SYT1: variants seen among roughly 807,000 people sequenced by gnomAD.
The protein encoded by SYT1 is synaptotagmin 1, also known as synaptotagmin-1.
A neutral mutation model predicts 44.8 loss-of-function variants in SYT1; 8 were observed. The observed-to-expected ratio is 0.18, with a 90% CI of 0.10 to 0.32. The LOEUF is 0.32. SYT1 is among the 10% of genes least tolerant of loss of function. The pLI is 1.00. For missense variants in SYT1, 286 were observed against 509.3 expected, an observed-to-expected ratio of 0.56 and a Z score of 4.22; for synonymous variants, 154 against 188.8, an observed-to-expected ratio of 0.82 and a Z score of 1.51.
intron 9 of SYT1, among the ~76,000 whole-genome samples, chr12:79,421,728 T>TTGG (rs1869134177): frequency 6.6e-6 from 1 of 151,702 alleles, no homozygotes; most frequent in East Asian, 1.9e-4. Context: ...TTTTTTATTG[T>TTGG]TGGTGGTGGT....
intron 2 of SYT1, among the ~76,000 whole-genome samples, chr12:79,031,549 A>G (rs1244489763): frequency 6.6e-6 from 1 of 151,096 alleles, no homozygotes; most frequent in Non-Finnish European, 1.5e-5. Flanking sequence ...TAAATCACCA[A>G]ATCCATCCGC....
chr12:79,204,419 T>C (rs751002745), intron 3 of SYT1, among the ~76,000 whole-genome samples: 1 of 152,218 alleles, frequency 6.6e-6, no homozygotes, highest in South Asian at 2.1e-4. Context: ...TCAGATTTTC[T>C]GTCAAGTGCC....
intron 9 of SYT1, among the ~76,000 whole-genome samples, chr12:79,416,967 G>C (rs11612280): frequency 6.6e-6 from 1 of 151,842 alleles, no homozygotes; most frequent in East Asian, 1.9e-4. Context: ...ATCCTAATAT[G>C]TGTGTGTGTG....
intron 3 of SYT1, among the ~76,000 whole-genome samples, chr12:79,206,673 G>C (rs975820628): frequency 1.3e-5 from 2 of 152,230 alleles, no homozygotes; most frequent in African/African-American, 4.8e-5. Context: ...TCCATGTGCA[G>C]TTAGGAATGC....
At chr12:79,421,256 TATTAA>T (rs1329543583) in intron 9 of SYT1, among the ~76,000 whole-genome samples, 1 of 152,166 alleles carries the variant, frequency 6.6e-6, no homozygotes, top group Non-Finnish European at 1.5e-5. Flanking sequence ...TATTTTGAGT[TATTAA>T]ATTGTTTTCC....
intron 3 of SYT1, among the ~76,000 whole-genome samples, chr12:79,055,003 CTTA>C (rs1874825964): frequency 6.6e-6 from 1 of 151,994 alleles, no homozygotes; most frequent in African/African-American, 2.4e-5. Context: ...CTTTTATAAT[CTTA>C]TTATAGCATA....
chr12:79,206,504 C>G (rs1352614627), intron 3 of SYT1, among the ~76,000 whole-genome samples: 1 of 151,750 alleles, frequency 6.6e-6, no homozygotes, highest in Non-Finnish European at 1.5e-5. Context: ...TAAGAAAAAT[C>G]CCCATTTCAA....
intron 3 of SYT1, among the ~76,000 whole-genome samples, chr12:79,118,773 T>G (rs996190650): frequency 1.3e-5 from 2 of 152,186 alleles, no homozygotes; most frequent in African/African-American, 4.8e-5. Context: ...ACAGGCTCCC[T>G]ATCCTGAGCA....
intron 3 of SYT1, among the ~76,000 whole-genome samples, chr12:79,110,272 G>A (rs1056848874): frequency 2.0e-5 from 3 of 152,002 alleles, no homozygotes; most frequent in African/African-American, 7.2e-5. Flanking sequence ...AAAGTGAGCT[G>A]ACCTCCAATA....
At chr12:79,430,604 A>G (rs1272747697) in intron 9 of SYT1, among the ~76,000 whole-genome samples, 2 of 152,096 alleles carry the variant, frequency 1.3e-5, no homozygotes, top group Non-Finnish European at 2.9e-5. Flanking sequence ...TAGGCAACAT[A>G]GCAAGATCTC....
chr12:79,181,576 T>A (rs1020300820), intron 3 of SYT1, among the ~76,000 whole-genome samples: 1 of 152,040 alleles, frequency 6.6e-6, no homozygotes, highest in Non-Finnish European at 1.5e-5. Flanking sequence ...GTCTAATATA[T>A]TTAAATAGTT....
chr12:78,930,358 A>G (rs1458325571), intron 1 of SYT1, among the ~76,000 whole-genome samples: 1 of 152,132 alleles, frequency 6.6e-6, no homozygotes, highest in African/African-American at 2.4e-5. Flanking sequence ...CAGAAAGGGA[A>G]GGAAAATACA....
At chr12:78,864,521 C>T (rs1215808275), upstream of SYT1, 1 of 152,314 alleles carries the variant, frequency 6.6e-6, no homozygotes, top group Non-Finnish European at 1.5e-5. Flanking sequence ...CTCCCCCAAC[C>T]CGCCTCCACC....
chr12:78,919,614 C>T (rs926375366), intron 1 of SYT1, among the ~76,000 whole-genome samples: 3 of 152,062 alleles, frequency 2.0e-5, no homozygotes, highest in African/African-American at 7.2e-5. Flanking sequence ...GATGTCTGAG[C>T]TTCCAGGGAC....
intron 3 of SYT1, among the ~76,000 whole-genome samples, chr12:79,186,636 A>G (rs578113508): frequency 1.3e-5 from 2 of 152,150 alleles, no homozygotes; most frequent in East Asian, 3.9e-4. Context: ...TAAATGTCCA[A>G]TAAGTGAAAA....
intron 1 of SYT1, among the ~76,000 whole-genome samples, chr12:78,962,025 G>T (rs905965630): frequency 2.0e-5 from 3 of 152,020 alleles, no homozygotes; most frequent in Non-Finnish European, 4.4e-5. Context: ...TATGTTGTTT[G>T]TTGTTTTATA....
chr12:79,402,188 C>A (rs1435020547), intron 9 of SYT1, among the ~76,000 whole-genome samples: 1 of 152,068 alleles, frequency 6.6e-6, no homozygotes, highest in Non-Finnish European at 1.5e-5. Context: ...GTAGAAATTT[C>A]TCCCGTAAAA....
At chr12:78,928,275 A>C (rs1877415518) in intron 1 of SYT1, among the ~76,000 whole-genome samples, 1 of 152,130 alleles carries the variant, frequency 6.6e-6, no homozygotes, top group African/African-American at 2.4e-5. Context: ...ATTGCTGTCA[A>C]TCTTCCTGTT....
chr12:79,118,915 T>G (rs1404574398), intron 3 of SYT1, among the ~76,000 whole-genome samples: 2 of 152,194 alleles, frequency 1.3e-5, no homozygotes, highest in Non-Finnish European at 2.9e-5. Flanking sequence ...CAACTTCAGA[T>G]CCAGATATCC....
Sources: gnomAD v4.1 joint callset for allele counts (sites outside exome capture counted in the v4.1 genomes callset) on GRCh38, gnomAD v4.1.1 for gene constraint, MANE v1.5 for transcripts, NCBI Gene and HGNC (gene_info 2026-07-23, HGNC 2026-07-21) for gene names.